Variants in OPHN1 observed in about 807,000 individuals in gnomAD.
The protein encoded by OPHN1 is oligophrenin 1.
OPHN1 carries 11 observed loss-of-function variants against 60.7 expected under a neutral mutation model. That is an observed-to-expected ratio of 0.18 (90% CI 0.11 to 0.30). OPHN1 has a LOEUF of 0.30. Among genes scored for constraint, OPHN1 ranks in the 10% least tolerant of loss-of-function variants. OPHN1 has a pLI of 1.00. For synonymous variants in OPHN1, 226 were observed against 222.6 expected, an observed-to-expected ratio of 1.02 and a Z score of -0.14; for missense variants, 449 against 611.0, an observed-to-expected ratio of 0.73 and a Z score of 2.80.
At chrX:68,364,046 G>A (rs1008903659) in intron 2 of OPHN1, among the ~76,000 whole-genome samples, 1 of 112,156 alleles carries the variant, frequency 8.9e-6, no homozygotes. Flanking sequence ...AACATGCCCA[G>A]TTCTTATTCA....
At chrX:68,214,666 T>A (rs2077599715) in intron 6 of OPHN1, among the ~76,000 whole-genome samples, 1 of 111,618 alleles carries the variant, frequency 9.0e-6, no homozygotes, top group African/African-American at 3.3e-5. Flanking sequence ...AAAAGGAGCA[T>A]CAGAATCAAA....
chrX:68,103,920 A>T (rs1405145257), intron 18 of OPHN1, among the ~76,000 whole-genome samples: 1 of 111,566 alleles, frequency 9.0e-6, no homozygotes, highest in Non-Finnish European at 1.9e-5. Flanking sequence ...TATTTAGAAA[A>T]CCCCATGGTC....
intron 2 of OPHN1, among the ~76,000 whole-genome samples, chrX:68,389,171 A>G (rs908573691): frequency 1.9e-5 from 2 of 104,867 alleles, no homozygotes; most frequent in Non-Finnish European, 3.9e-5. Flanking sequence ...TGACCAGGCC[A>G]GTCTCGAACT....
chrX:68,322,789 A>G (rs1374740202), intron 2 of OPHN1, among the ~76,000 whole-genome samples: 1 of 111,700 alleles, frequency 9.0e-6, no homozygotes, highest in African/African-American at 3.3e-5. Flanking sequence ...CCTGTCTCGA[A>G]ACAAAATAAA....
chrX:68,061,031 G>T (rs780305679), intron 21 of OPHN1, among the ~76,000 whole-genome samples: 4 of 111,758 alleles, frequency 3.6e-5, no homozygotes, highest in Non-Finnish European at 7.5e-5. Flanking sequence ...TAGGTTCAAA[G>T]AGGCAACTAT....
chrX:68,330,094 CT>C (rs1209094018), intron 2 of OPHN1, among the ~76,000 whole-genome samples: 121 of 104,938 alleles, frequency 1.2e-3, no homozygotes, highest in African/African-American at 3.2e-3. Flanking sequence ...TCTTCTTTTT[CT>C]TTTTTTTTTT....
chrX:68,409,336 T>A (rs912711949), intron 2 of OPHN1, among the ~76,000 whole-genome samples: 6 of 111,676 alleles, frequency 5.4e-5, no homozygotes, highest in Non-Finnish European at 9.4e-5. Flanking sequence ...CACAGGAGCA[T>A]CTGTCAGTAC....
At chrX:68,357,247 G>A (rs767545313) in intron 2 of OPHN1, among the ~76,000 whole-genome samples, 32 of 111,455 alleles carry the variant, frequency 2.9e-4, no homozygotes, top group African/African-American at 8.5e-4. Flanking sequence ...TTTTGCTTTT[G>A]CTTTTGTTTT....
At chrX:68,101,171 T>A in intron 18 of OPHN1, among the ~76,000 whole-genome samples, 1 of 112,410 alleles carries the variant, frequency 8.9e-6, no homozygotes, top group East Asian at 2.8e-4. Context: ...AGTCATCAGT[T>A]ACGAGCACAT....
At chrX:68,324,944 G>A (rs961790382) in intron 2 of OPHN1, among the ~76,000 whole-genome samples, 5 of 110,189 alleles carry the variant, frequency 4.5e-5, no homozygotes, top group East Asian at 2.9e-4. Context: ...CCAGCTACGC[G>A]GGAGGCTGAG....
chrX:68,253,940 G>A (rs768960105), intron 5 of OPHN1, among the ~76,000 whole-genome samples: 3 of 112,031 alleles, frequency 2.7e-5, no homozygotes, highest in African/African-American at 6.5e-5. Flanking sequence ...TACACATTCC[G>A]TCCCTGTGGT....
intron 4 of OPHN1, among the ~76,000 whole-genome samples, chrX:68,276,831 C>T (rs915583064): frequency 1.8e-5 from 2 of 110,850 alleles, no homozygotes; most frequent in African/African-American, 6.6e-5. Context: ...TGAGACAGTA[C>T]ATAAGAAGTT....
chrX:68,366,680 G>T (rs2078500550), intron 2 of OPHN1, among the ~76,000 whole-genome samples: 1 of 111,183 alleles, frequency 9.0e-6, no homozygotes, highest in African/African-American at 3.3e-5. Context: ...TAACATTTTT[G>T]AAATTACGAT....
intron 2 of OPHN1, among the ~76,000 whole-genome samples, chrX:68,327,923 G>A: frequency 9.7e-6 from 1 of 102,612 alleles, no homozygotes; most frequent in East Asian, 3.0e-4. Context: ...TCCGCTTCCT[G>A]GGTTCACGCC....
intron 2 of OPHN1, among the ~76,000 whole-genome samples, chrX:68,383,907 G>C (rs2078611091): frequency 1.8e-5 from 2 of 111,270 alleles, no homozygotes; most frequent in South Asian, 7.7e-4. Flanking sequence ...TGACCAGGGA[G>C]TGAGTTTGGA....
At position 68,344,163 on chromosome X, in the gene OPHN1, T is replaced by C. The variant is rs144647121; in HGVS notation, c.155-45067A>G. On this transcript the variant is annotated intron_variant, in intron 2 of 24. Transcript: ENST00000355520. The stretch of plus-strand genomic sequence containing the variant: ...TTTTGGAAAGGTAAAATGTGTAGTT[T>C]AACTTGCTTGTCACTGAACCTGTTT... Among the ~76,000 whole-genome samples the C allele has an allele frequency of 7.1e-3, 796 of 111,972 alleles. 10 individuals are homozygous for C. The highest frequency in any genetic ancestry group is 0.025 in the African/African-American group (757 of 30,871).
intron 2 of OPHN1, among the ~76,000 whole-genome samples, chrX:68,305,463 A>G (rs762043044): frequency 1.8e-5 from 2 of 112,605 alleles, no homozygotes; most frequent in Non-Finnish European, 1.9e-5. Context: ...TGGGTCATAA[A>G]AAAGAATATG....
At chrX:68,401,277 AAAC>A (rs1402579345) in intron 2 of OPHN1, among the ~76,000 whole-genome samples, 1 of 112,457 alleles carries the variant, frequency 8.9e-6, no homozygotes, top group African/African-American at 3.2e-5. Context: ...AGTACAGTGT[AAAC>A]AACATGTAAG....
chrX:68,279,101 CTTT>C (rs984725368), intron 4 of OPHN1, among the ~76,000 whole-genome samples: 9 of 21,792 alleles, frequency 4.1e-4, no homozygotes, highest in African/African-American at 2.0e-3. Context: ...CTCCCCCGCT[CTTT>C]TTTTTTTTTT....
Sources: gnomAD v4.1 joint callset for allele counts (sites outside exome capture counted in the v4.1 genomes callset) on GRCh38, gnomAD v4.1.1 for gene constraint, MANE v1.5 for transcripts, NCBI Gene and HGNC (gene_info 2026-07-23, HGNC 2026-07-21) for gene names.